LHFPL6: variants seen among roughly 807,000 people sequenced by gnomAD.
LHFPL6 encodes LHFPL tetraspan subfamily member 6 protein.
A neutral mutation model predicts 20.6 loss-of-function variants in LHFPL6; 9 were observed. The ratio of observed to expected loss-of-function variants is 0.44; its 90% CI spans 0.26 to 0.76. LHFPL6 has a LOEUF of 0.76. Ranked by LOEUF, LHFPL6 falls within the 30% of genes least tolerant of loss-of-function variation. LHFPL6 has a pLI of 0.20. For synonymous variants in LHFPL6, 105 were observed against 98.7 expected (o/e 1.06, Z -0.38); for missense variants, 218 against 253.5 (o/e 0.86, Z 0.95).
chr13:39,540,498 T>G (rs11619569), intron 2 of LHFPL6, among the ~76,000 whole-genome samples: 61,850 of 151,880 alleles, frequency 0.41, 12,790 homozygotes, highest in Admixed American at 0.5. Flanking sequence ...TGCCATGAAA[T>G]GTATGCTAAT....
chr13:39,552,173 C>T (rs1033894442), intron 2 of LHFPL6, among the ~76,000 whole-genome samples: 3 of 152,154 alleles, frequency 2.0e-5, no homozygotes, highest in African/African-American at 7.2e-5. Context: ...TCACAAGGTT[C>T]AAAATAAATT....
At chr13:39,380,483 C>T (rs533342178) in intron 2 of LHFPL6, among the ~76,000 whole-genome samples, 363 of 151,806 alleles carry the variant, frequency 2.4e-3, no homozygotes, top group African/African-American at 8.2e-3. Context: ...ATGAGCTCTG[C>T]CTCCTGTCAG....
chr13:39,535,628 A>T (rs1870593839), intron 2 of LHFPL6, among the ~76,000 whole-genome samples: 1 of 152,232 alleles, frequency 6.6e-6, no homozygotes, highest in South Asian at 2.1e-4. Context: ...CTATGAATTC[A>T]GGGACAGTGT....
chr13:39,490,362 G>A (rs148777868), intron 2 of LHFPL6, among the ~76,000 whole-genome samples: 257 of 152,246 alleles, frequency 1.7e-3, no homozygotes, highest in African/African-American at 5.8e-3. Flanking sequence ...AACAAAGCAG[G>A]GTAGATAAAA....
At chr13:39,541,543 T>C (rs980646807) in intron 2 of LHFPL6, among the ~76,000 whole-genome samples, 11 of 152,152 alleles carry the variant, frequency 7.2e-5, no homozygotes, top group Non-Finnish European at 1.3e-4. Context: ...TAAATCTTAT[T>C]ATCCTTCAGG....
At position 39,569,875 on chromosome 13, in the gene LHFPL6, G is replaced by A. The variant is rs998818678; in HGVS notation, c.385+30957C>T. Among the ~76,000 whole-genome samples the A allele has an allele frequency of 1.1e-4, 17 of 152,266 alleles. No individual in the cohort carries two copies. In the Middle Eastern group the frequency reaches 0.02, roughly 183 times the overall value. ...AAAATTATGAAAATGCTAACAATTC[G>A]AAACGTTTTAAAATGGATGAAACAA... On this transcript the variant is annotated intron_variant, in intron 2 of 3. Coordinates refer to ENST00000379589, the MANE Select transcript of LHFPL6 (RefSeq NM_005780.3).
intron 2 of LHFPL6, among the ~76,000 whole-genome samples, chr13:39,381,102 T>C (rs984743483): frequency 1.3e-5 from 2 of 152,224 alleles, no homozygotes; most frequent in Non-Finnish European, 2.9e-5. Context: ...GGAAAAATTG[T>C]CTTCCATGAA....
At chr13:39,464,003 A>G (rs545201559) in intron 2 of LHFPL6, among the ~76,000 whole-genome samples, 1 of 152,352 alleles carries the variant, frequency 6.6e-6, no homozygotes, top group East Asian at 1.9e-4. Flanking sequence ...AGGCTATGCC[A>G]GAATTGAAAT....
At chr13:39,543,814 C>G (rs1285475532) in intron 2 of LHFPL6, among the ~76,000 whole-genome samples, 3 of 152,140 alleles carry the variant, frequency 2.0e-5, no homozygotes, top group African/African-American at 7.2e-5. Context: ...GTTAACTGGT[C>G]CTGTTCAGTT....
intron 2 of LHFPL6, among the ~76,000 whole-genome samples, chr13:39,483,513 T>C (rs902829090): frequency 2.7e-5 from 4 of 148,656 alleles, no homozygotes; most frequent in African/African-American, 1.0e-4. Flanking sequence ...TACAAAACCA[T>C]TTCCTGCTCT....
chr13:39,529,089 CT>C lies in LHFPL6; in HGVS notation c.385+71742del, dbSNP rs202128492. Reference sequence around the variant, plus strand: ...AAAATTCATGCCAATTCCCTTATTTCTTTTTTTTTTCCTTCTTCTTGAGGCA... The same window carrying C: ...AAAATTCATGCCAATTCCCTTATTTCTTTTTTTTTCCTTCTTCTTGAGGCA... On this transcript the variant is annotated intron_variant, in intron 2 of 3. Transcript: ENST00000379589. Among the ~76,000 whole-genome samples the C allele has an allele frequency of 6.1e-3, 918 of 149,644 alleles. 26 individuals are homozygous for C. The East Asian group carries it at 0.094, about 15-fold the overall frequency.
At position 39,586,433 on chromosome 13, in the gene LHFPL6, G is replaced by A. The variant is rs1299946565; in HGVS notation, c.385+14399C>T. Among the ~76,000 whole-genome samples the A allele has an allele frequency of 2.6e-5, 4 of 152,030 alleles. No homozygotes were observed. The East Asian group carries it at 7.7e-4, about 29-fold the overall frequency. On this transcript the variant is annotated intron_variant, in intron 2 of 3. Transcript: ENST00000379589. ...AACCACATCTACATACCATGGTAAC[G>A]ACAATATTTACTACTTTAAAAAATA...
At chr13:39,382,600 G>C (rs935849671) in intron 2 of LHFPL6, among the ~76,000 whole-genome samples, 1 of 152,020 alleles carries the variant, frequency 6.6e-6, no homozygotes, top group Non-Finnish European at 1.5e-5. Context: ...ATGTTGGTCA[G>C]GTTGGTCTTG....
At chr13:39,566,939 C>T (rs928129999) in intron 2 of LHFPL6, among the ~76,000 whole-genome samples, 1 of 151,788 alleles carries the variant, frequency 6.6e-6, no homozygotes, top group Non-Finnish European at 1.5e-5. Flanking sequence ...TATAATCACA[C>T]ATGCCTCCCA....
At chr13:39,412,767 T>TA (rs1170596195) in intron 2 of LHFPL6, among the ~76,000 whole-genome samples, 1 of 151,678 alleles carries the variant, frequency 6.6e-6, no homozygotes, top group Non-Finnish European at 1.5e-5. Flanking sequence ...TACTAAAAAT[T>TA]AAAAAATTAG....
chr13:39,442,922 T>C (rs1335389754), intron 2 of LHFPL6, among the ~76,000 whole-genome samples: 2 of 152,146 alleles, frequency 1.3e-5, no homozygotes, highest in Non-Finnish European at 2.9e-5. Context: ...GCTTCTTGTC[T>C]CTTTCTCTCT....
intron 2 of LHFPL6, among the ~76,000 whole-genome samples, chr13:39,526,284 T>C (rs772349035): frequency 6.6e-6 from 1 of 152,124 alleles, no homozygotes; most frequent in Non-Finnish European, 1.5e-5. Context: ...ACCTTGTAAA[T>C]AGTAGGCATT....
intron 2 of LHFPL6, among the ~76,000 whole-genome samples, chr13:39,459,177 G>A (rs558534558): frequency 2.7e-5 from 4 of 148,704 alleles, no homozygotes; most frequent in African/African-American, 1.0e-4. Context: ...GTCAGTAATA[G>A]CTGGACAAGT....
intron 2 of LHFPL6, among the ~76,000 whole-genome samples, chr13:39,456,598 A>G (rs1462849197): frequency 2.0e-5 from 3 of 152,224 alleles, no homozygotes; most frequent in Non-Finnish European, 4.4e-5. Flanking sequence ...CAAAGATGCC[A>G]AGGAAATTTA....
Sources: allele counts gnomAD v4.1 joint callset (sites outside exome capture counted in the v4.1 genomes callset), GRCh38; gene constraint gnomAD v4.1.1; transcripts MANE v1.5; gene names NCBI Gene and HGNC (gene_info 2026-07-23, HGNC 2026-07-21).